The following ITPR3 variants were observed in gnomAD, a reference collection of about 807,000 sequenced individuals.
ITPR3 encodes inositol 1,4,5-trisphosphate receptor type 3.
Under a neutral mutation model 293.2 loss-of-function variants are expected in ITPR3, and 173 were observed. The ratio of observed to expected loss-of-function variants is 0.59; its 90% confidence interval spans 0.52 to 0.67. The LOEUF is 0.67. Ranked by LOEUF, ITPR3 falls within the 30% of genes least tolerant of loss-of-function variation. The pLI, the probability that ITPR3 is intolerant of heterozygous loss-of-function variation, is 0.00. For missense variants in ITPR3, 2,796 were observed against 3,592.1 expected (o/e 0.78, Z 5.66); for synonymous variants, 1,295 against 1,444.4 (o/e 0.90, Z 2.35).
intron 6 of ITPR3, 102 bp downstream of exon 6, chr6:33,659,221 C>A: frequency 8.6e-7 from 1 of 1,156,794 alleles, no homozygotes; most frequent in Non-Finnish European, 1.3e-6. Flanking sequence ...CCAGCCCCAT[C>A]TGACCTGCCG....
In ITPR3 at chr6:33,655,496, A is replaced by G. The variant is rs912196422; in HGVS notation, c.161-270A>G. ...GGGTGAGGCCCCAGCAGCCTCTGGT[A>G]AATCTCCTAGGGGAAGAGGGCACGT... is the stretch of plus-strand genomic sequence containing the variant. On this transcript the variant is annotated intron_variant, in intron 2 of 57. Coordinates refer to ENST00000605930, the MANE Select transcript of ITPR3 (RefSeq NM_002224.4). This position sits in a 1 kb window ranked among gnomAD's most constrained non-coding sequence, Gnocchi z 4.9. Among the ~76,000 whole-genome samples the G allele has an allele frequency of 2.0e-5, 3 of 152,172 alleles. No individual in the cohort carries two copies. The highest frequency in any genetic ancestry group is 7.2e-5 in the African/African-American group (3 of 41,442).
rs1444389094 is a variant in ITPR3 at position 33,686,247 on chromosome 6, G to C, written c.5862G>C (p.Glu1954Asp). The change falls in exon 42 of 58, where the codon GAG becomes GAC. Residue 1954 changes from glutamate (E) to aspartate (D), a missense_variant. Transcript: ENST00000605930. ...AGTACTGCCAGGGCCCCTGCCATGAGAACCAGGTGAGCTGTCCTGGTGGCA... is the reference window on the plus strand; with the variant it reads ...AGTACTGCCAGGGCCCCTGCCATGACAACCAGGTGAGCTGTCCTGGTGGCA... ...LTEYCQGPCH[E>D]NQTCIVTHES... is the part of the protein sequence containing the mutation. 6.2e-6 allele frequency: 10 copies of C among 1,613,574 alleles called. No homozygotes were observed. Among genetic ancestry groups the C allele is most frequent in the Non-Finnish European group, 7.6e-6 (9 of 1,179,852 alleles).
At position 33,637,634 on chromosome 6, in the gene ITPR3, A is replaced by AT. The variant is rs879322116; in HGVS notation, c.90-2837dup. Among the ~76,000 whole-genome samples the AT allele has an allele frequency of 4.1e-3, 545 of 133,076 alleles. 1 individual carries two copies. Among genetic ancestry groups the AT allele is most frequent in the Middle Eastern group, 0.017 (4 of 238 alleles). 87.3% of individuals were successfully genotyped at this position (133,076 alleles called of 152,430 possible). On this transcript the variant is annotated intron_variant, in intron 1 of 57. Transcript: ENST00000605930. ...GAGGTGTGTGCCACTACACCCAGCG[A>AT]TTTTTTTTTTTTTAGACGGAGTTTT...
In ITPR3 at chr6:33,665,156, T is replaced by C; in HGVS notation, c.1352T>C (p.Met451Thr). The change falls in exon 13 of 58, where the codon ATG becomes ACG. Residue 451 changes from methionine to threonine, a missense_variant. Met to Thr is a moderately conservative substitution (Grantham distance 81). Around this residue, in one of 8 missense-constraint regions of ITPR3, gnomAD observed 955 missense variants for 1,180.8 expected, o/e 0.81. Transcript: ENST00000605930. ...DLDFANDASS[M>T]LASAVEKLNE... ...GACTTTGCCAATGACGCCAGCTCCATGCTGGCCAGTGCCGTGGAGAAACTC... is the reference window on the plus strand; with the variant it reads ...GACTTTGCCAATGACGCCAGCTCCACGCTGGCCAGTGCCGTGGAGAAACTC... 1 of 1,614,168 alleles carries C rather than the reference T, an allele frequency of 6.2e-7. No individual in the cohort carries two copies. Among genetic ancestry groups the C allele is most frequent in the Non-Finnish European group, 8.5e-7 (1 of 1,180,032 alleles).
chr6:33,670,561 C>G lies in ITPR3; in HGVS notation c.2426C>G (p.Ala809Gly), dbSNP rs1764729157. The part of the protein sequence containing the change: ...FARLWTEIPT[A>G]ITIKDYDSNL... ...CGTCTCTGGACTGAGATCCCCACAGCCATCACCATCAAGGAGTGAGAGGGG... is the reference window on the plus strand; with the variant it reads ...CGTCTCTGGACTGAGATCCCCACAGGCATCACCATCAAGGAGTGAGAGGGG... Residue 809 changes from alanine (A) to glycine (G), a missense_variant, in exon 19 of 58, where the codon GCC (alanine) becomes GGC (glycine). This residue lies in a region of ITPR3 where 955 missense variants were observed against 1,180.8 expected (regional missense o/e 0.81). Transcript: ENST00000605930. The surrounding 1 kb of genome is among the most constrained non-coding windows in gnomAD (Gnocchi z 6.7). 1 of 1,613,208 alleles carries G rather than the reference C, an allele frequency of 6.2e-7. No homozygotes were observed. Among genetic ancestry groups the G allele is most frequent in the South Asian group, 1.1e-5 (1 of 91,060 alleles).
Position 33,664,245 on chromosome 6 carries a change from C to T in ITPR3, c.1148+365C>T, listed in dbSNP as rs912453008. Among the ~76,000 whole-genome samples the T allele has an allele frequency of 6.6e-6, 1 of 152,174 alleles. No individual in the cohort carries two copies. Among genetic ancestry groups the T allele is most frequent in the East Asian group, 1.9e-4 (1 of 5,192 alleles). ...TCTAGGACGGAACATCAAGAAACTT[C>T]TCAAGTGTCAGTACAGGCTTTGGCG... On this transcript the variant is annotated intron_variant, in intron 11 of 57. Transcript: ENST00000605930. This position sits in a 1 kb window ranked among gnomAD's most constrained non-coding sequence, Gnocchi z 4.4.
Position 33,692,729 on chromosome 6 carries a change from A to G in ITPR3, c.7460A>G (p.Glu2487Gly). Reference protein sequence around the residue: ...GDILRKPSKDESLFPARVVYD... With the variant: ...GDILRKPSKDGSLFPARVVYD... ...GCCTCCCTGCCTCATCCCCTGCAGG[A>G]GTCTCTCTTCCCAGCCCGAGTGGTC... Residue 2487 changes from glutamate (E) to glycine (G), a missense_variant and splice_region_variant, in exon 55 of 58, where the codon GAG (glutamate) becomes GGG (glycine). By Grantham distance (98) the Glu-to-Gly change is moderately conservative (BLOSUM62 -2). Coordinates refer to ENST00000605930, the MANE Select transcript of ITPR3 (RefSeq NM_002224.4). This position sits in a 1 kb window ranked among gnomAD's most constrained non-coding sequence, Gnocchi z 4.2. 6.2e-7 allele frequency: 1 copy of G among 1,613,892 alleles called. No individual in the cohort carries two copies.
chr6:33,631,785 G>C (rs1368807639), intron 1 of ITPR3, among the ~76,000 whole-genome samples: 1 of 152,152 alleles, frequency 6.6e-6, no homozygotes, highest in Non-Finnish European at 1.5e-5. Context: ...CCAGACACTG[G>C]CGTTACCACT....
chr6:33,680,235 C>T, intron 31 of ITPR3, 94 bp from the exon 32 acceptor site: 1 of 1,569,520 alleles, frequency 6.4e-7, no homozygotes, highest in Non-Finnish European at 8.6e-7. Context: ...GGGAAGTGGG[C>T]AGGAACCGGA....
At chr6:33,663,903 G>T in intron 11 of ITPR3, 23 bp downstream of exon 11, 3 of 1,613,196 alleles carry the variant, frequency 1.9e-6, no homozygotes, top group Non-Finnish European at 2.5e-6. Flanking sequence ...CATGTGCCTG[G>T]GAGTTGACTG....
rs778958478 is a variant in ITPR3, at chr6:33,665,210, G to A, written c.1406G>A (p.Arg469His). ...LNEGFISQND[R>H]RFVIQLLEDL... is the part of the protein sequence containing the mutation. ...GAGGGCTTCATCAGCCAGAATGACC[G>A]CAGGTGGGCTGCAGTGGCACAGGGG... Residue 469 changes from arginine (R) to histidine (H), a missense_variant, in exon 13 of 58, where the codon CGC (arginine) becomes CAC (histidine). This residue lies in a region of ITPR3 where 955 missense variants were observed against 1,180.8 expected (regional missense o/e 0.81). Transcript: ENST00000605930. 1.9e-6 allele frequency: 3 copies of A among 1,612,960 alleles called. No individual in the cohort carries two copies. Among genetic ancestry groups the A allele is most frequent in the Non-Finnish European group, 1.7e-6 (2 of 1,179,172 alleles).
In ITPR3 at chr6:33,632,929, A is replaced by G. The variant is rs891308401; in HGVS notation, c.90-7555A>G. On this transcript the variant is annotated intron_variant, in intron 1 of 57. Coordinates refer to ENST00000605930, the MANE Select transcript of ITPR3 (RefSeq NM_002224.4). The surrounding 1 kb of genome is among the most constrained non-coding windows in gnomAD (Gnocchi z 4.1). Reference sequence around the variant, plus strand: ...GCTCGTGGTGAGGTCTGTCGAGTAGATGGAGGCCTGGGTTGTGTCTGTGCC... The same window carrying G: ...GCTCGTGGTGAGGTCTGTCGAGTAGGTGGAGGCCTGGGTTGTGTCTGTGCC... 6.6e-6 allele frequency among the ~76,000 whole-genome samples: 1 copy of G among 152,328 alleles called. No individual in the cohort carries two copies. The highest frequency in any genetic ancestry group is 6.5e-5 in the Admixed American group (1 of 15,304).
rs751129813 is a variant in ITPR3, at chr6:33,677,569, G to A, written c.3588G>A (p.Leu1196=). ...AAATGAGGAAGAAGCAGCAACGGCTGCTGAAGAACATGGATGCCCACAAGG... is the reference window on the plus strand; with the variant it reads ...AAATGAGGAAGAAGCAGCAACGGCTACTGAAGAACATGGATGCCCACAAGG... The part of the protein sequence containing the change: ...GEQMRKKQQR[L]LKNMDAHKVM... The change falls in exon 28 of 58, where the codon CTG becomes CTA. Residue 1196 remains leucine, a synonymous_variant. Coordinates refer to ENST00000605930, the MANE Select transcript of ITPR3 (RefSeq NM_002224.4). 1.7e-5 allele frequency: 28 copies of A among 1,613,970 alleles called. No homozygotes were observed. The South Asian group carries it at 2.5e-4, about 15-fold the overall frequency.
rs901452195 is a variant in ITPR3, at chr6:33,664,204, C to G, written c.1148+324C>G. The stretch of plus-strand genomic sequence containing the variant: ...GCCAGACTCTCTGGCCTTTGAGGTC[C>G]CGCCAACCCCGAGATTCTAGGACGG... On this transcript the variant is annotated intron_variant, in intron 11 of 57. Transcript: ENST00000605930. This position sits in a 1 kb window ranked among gnomAD's most constrained non-coding sequence, Gnocchi z 4.4. 6.6e-6 allele frequency among the ~76,000 whole-genome samples: 1 copy of G among 152,162 alleles called. No homozygotes were observed. The highest frequency in any genetic ancestry group is 2.4e-5 in the African/African-American group (1 of 41,440).
Position 33,672,049 on chromosome 6 carries a change from A to C in ITPR3, c.2749A>C (p.Ile917Leu). 3.7e-6 allele frequency: 6 copies of C among 1,609,974 alleles called. No homozygotes were observed. The highest frequency in any genetic ancestry group is 5.1e-6 in the Non-Finnish European group (6 of 1,177,556). Residue 917 changes from isoleucine to leucine, a missense_variant, in exon 22 of 58, where the codon ATC becomes CTC. This residue lies in a region of ITPR3 where 955 missense variants were observed against 1,180.8 expected (regional missense o/e 0.81). Coordinates refer to ENST00000605930, the MANE Select transcript of ITPR3 (RefSeq NM_002224.4). The surrounding 1 kb of genome is among the most constrained non-coding windows in gnomAD (Gnocchi z 5.0). ...CACAGGCAAGAATGTGCGGCGGTCC[A>C]TCCAGGGCGTGGGGCACATGATGTC... ...DPGGKNVRRS[I>L]QGVGHMMSTM...
At chr6:33,640,100 C>G (rs1168910929) in intron 1 of ITPR3, among the ~76,000 whole-genome samples, 2 of 152,118 alleles carry the variant, frequency 1.3e-5, no homozygotes, top group African/African-American at 2.4e-5. Flanking sequence ...TTTTGTTTTT[C>G]TCCTCCTCTC....
intron 50 of ITPR3, 66 bp from the exon 51 acceptor site, chr6:33,689,968 G>A: frequency 6.3e-7 from 1 of 1,582,116 alleles, no homozygotes; most frequent in Non-Finnish European, 8.7e-7. Flanking sequence ...GGGCACTGGG[G>A]GACATGCGTG....
intron 56 of ITPR3, chr6:33,694,504 C>T (rs1341305188): frequency 3.7e-5 from 9 of 240,062 alleles, no homozygotes; most frequent in Admixed American, 2.3e-4. Context: ...CTCAATTTGC[C>T]ATCTGTCTGA....
In ITPR3 at chr6:33,623,522, T is replaced by G. The variant is rs1016943378; in HGVS notation, c.89+1831T>G. ...TGTATTTTTTTTGTAGAGACTGGGT[T>G]TCACCATGTTGCCCAGGCTGGTCTC... On this transcript the variant is annotated intron_variant, in intron 1 of 57. Coordinates refer to ENST00000605930, the MANE Select transcript of ITPR3 (RefSeq NM_002224.4). Among the ~76,000 whole-genome samples, 3 of 151,876 alleles carry G rather than the reference T, an allele frequency of 2.0e-5. No individual in the cohort carries two copies. In the East Asian group the frequency reaches 5.8e-4, roughly 29 times the overall value.
Sources: gnomAD v4.1 joint callset for allele counts (sites outside exome capture counted in the v4.1 genomes callset) on GRCh38, gnomAD v4.1.1 for gene constraint, gnomAD v4.1.1 regional missense constraint, Gnocchi (gnomAD v3.1) non-coding constraint, MANE v1.5 for transcripts, NCBI Gene and HGNC (gene_info 2026-07-23, HGNC 2026-07-21) for gene names.